PICALM: variants seen among roughly 807,000 people sequenced by gnomAD.
PICALM encodes the protein phosphatidylinositol-binding clathrin assembly protein.
Under a neutral mutation model 80.5 loss-of-function variants are expected in PICALM, and 40 were observed. The ratio of observed to expected loss-of-function variants is 0.50; its 90% CI spans 0.39 to 0.65. The LOEUF is 0.65. PICALM is among the 30% of genes least tolerant of loss of function. The pLI, the probability that PICALM is intolerant of heterozygous loss-of-function variation, is 0.00. For synonymous variants in PICALM, 288 were observed against 260.3 expected (o/e 1.11, Z -1.02); for missense variants, 676 against 778.9 (o/e 0.87, Z 1.57).
At chr11:86,012,119 G>A (rs2095408504) in intron 6 of PICALM, among the ~76,000 whole-genome samples, 162 bp downstream of exon 6, 1 of 152,132 alleles carries the variant, frequency 6.6e-6, no homozygotes, top group South Asian at 2.1e-4. Context: ...GTAATCACTT[G>A]CAGAAGTAAT....
At chr11:85,959,633 CAAAAAA>C (rs1161064257) in intron 19 of PICALM, among the ~76,000 whole-genome samples, 1 of 45,204 alleles carries the variant, frequency 2.2e-5, no homozygotes, top group African/African-American at 9.8e-5. Context: ...AACTCCATCT[CAAAAAA>C]AAAAAAAAAA....
chr11:85,980,836 A>C (rs2094420776), intron 17 of PICALM, among the ~76,000 whole-genome samples: 1 of 152,196 alleles, frequency 6.6e-6, no homozygotes, highest in Non-Finnish European at 1.5e-5. Flanking sequence ...CCTCATCTGT[A>C]AAATAGGGAT....
intron 1 of PICALM, among the ~76,000 whole-genome samples, chr11:86,045,477 A>C (rs2096056114): frequency 7.0e-6 from 1 of 142,926 alleles, no homozygotes; most frequent in East Asian, 2.0e-4. Flanking sequence ...ATAGCCACTG[A>C]ACTCCAGCCT....
At chr11:86,045,320 C>T (rs618001) in intron 1 of PICALM, among the ~76,000 whole-genome samples, 90,840 of 151,488 alleles carry the variant, frequency 0.6, 27,440 homozygotes, top group East Asian at 0.67. Flanking sequence ...TCCTCATACA[C>T]CTCATAACCA....
intron 13 of PICALM, among the ~76,000 whole-genome samples, chr11:85,988,506 C>T (rs1241049449): frequency 6.6e-6 from 1 of 151,208 alleles, no homozygotes; most frequent in Non-Finnish European, 1.5e-5. Context: ...GTAGAAGAAA[C>T]AAGGCACATA....
chr11:85,986,612 G>T (rs887050330), intron 13 of PICALM, among the ~76,000 whole-genome samples: 2 of 150,804 alleles, frequency 1.3e-5, no homozygotes, highest in African/African-American at 2.4e-5. Context: ...GGATGGTCTC[G>T]ATCTCCTGAC....
chr11:86,048,140 G>C (rs907483040), intron 1 of PICALM, among the ~76,000 whole-genome samples: 2 of 152,180 alleles, frequency 1.3e-5, no homozygotes, highest in African/African-American at 4.8e-5. Context: ...GCGAAGCAAT[G>C]GTTCTCTCCT....
chr11:86,041,608 T>C (rs2095970754), intron 1 of PICALM, among the ~76,000 whole-genome samples: 2 of 152,202 alleles, frequency 1.3e-5, no homozygotes, highest in Admixed American at 6.5e-5. Flanking sequence ...TATTAATATA[T>C]GTCTGAAATT....
At chr11:86,066,180 CA>C (rs2096445133) in intron 1 of PICALM, among the ~76,000 whole-genome samples, 1 of 152,110 alleles carries the variant, frequency 6.6e-6, no homozygotes, top group Non-Finnish European at 1.5e-5. Context: ...TTTCTCAAAG[CA>C]TGTTAGTGTG....
intron 1 of PICALM, among the ~76,000 whole-genome samples, chr11:86,066,068 A>G (rs181255169): frequency 6.6e-6 from 1 of 152,332 alleles, no homozygotes; most frequent in African/African-American, 2.4e-5. Context: ...ATAAAGAAAA[A>G]TTCCTAAAAG....
chr11:85,958,592 T>C lies in PICALM; in HGVS notation c.*454A>G, dbSNP rs1172989630. On this transcript the variant is annotated 3_prime_UTR_variant, in exon 20 of 20. Transcript: ENST00000393346. ...ATTTCAGTTATTGTTTCTGTATTTG[T>C]GAGGACTGGAGAAAAGAAAGATAAT... 4.5e-6 allele frequency: 1 copy of C among 224,342 alleles called. No individual in the cohort carries two copies. Among genetic ancestry groups the C allele is most frequent in the Non-Finnish European group, 8.9e-6 (1 of 112,660 alleles). 13.9% of individuals were successfully genotyped at this position (224,342 alleles called of 1,614,324 possible).
chr11:85,965,802 A>ATTTTTTTT (rs1202220050), intron 19 of PICALM, among the ~76,000 whole-genome samples: 1 of 105,758 alleles, frequency 9.5e-6, no homozygotes, highest in African/African-American at 3.6e-5. Flanking sequence ...TGCATTACCC[A>ATTTTTTTT]TTTTGTTTTT....
intron 1 of PICALM, among the ~76,000 whole-genome samples, chr11:86,035,367 C>A (rs538070898): frequency 5.2e-4 from 79 of 152,292 alleles, no homozygotes; most frequent in African/African-American, 1.8e-3. Flanking sequence ...CCTGTGCCAT[C>A]AGAATGCAGA....
At chr11:85,996,499 C>T (rs957801826) in intron 12 of PICALM, among the ~76,000 whole-genome samples, 3 of 151,760 alleles carry the variant, frequency 2.0e-5, no homozygotes, top group Non-Finnish European at 4.4e-5. Context: ...ACACCAAAAT[C>T]GAAATAACCA....
chr11:86,043,384 ATCTC>A (rs2137105550), intron 1 of PICALM, among the ~76,000 whole-genome samples: 2 of 152,280 alleles, frequency 1.3e-5, no homozygotes, highest in Admixed American at 6.5e-5. Flanking sequence ...CTCAAAGAAA[ATCTC>A]TATGCAAATC....
chr11:85,979,446 C>T lies in PICALM; in HGVS notation c.1779+1683G>A, dbSNP rs572967491. The stretch of plus-strand genomic sequence containing the variant: ...CAGAGGTTGCAGTGAGCTGAGGTCG[C>T]GCCACTGCAATGTAGCCTGGGCAAA... On this transcript the variant is annotated intron_variant, in intron 17 of 19. Coordinates refer to ENST00000393346, the MANE Select transcript of PICALM (RefSeq NM_007166.4). Among the ~76,000 whole-genome samples, 78 of 150,402 alleles carry T rather than the reference C, an allele frequency of 5.2e-4. No homozygotes were observed. The Middle Eastern group carries it at 0.014, about 26-fold the overall frequency.
chr11:86,062,641 A>C (rs2096386635), intron 1 of PICALM, among the ~76,000 whole-genome samples: 1 of 152,330 alleles, frequency 6.6e-6, no homozygotes, highest in East Asian at 1.9e-4. Flanking sequence ...TGATAATAAT[A>C]TAACTTGAGA....
intron 4 of PICALM, among the ~76,000 whole-genome samples, chr11:86,020,406 C>T (rs1173473939): frequency 1.8e-5 from 2 of 113,000 alleles, no homozygotes; most frequent in African/African-American, 3.5e-5. Flanking sequence ...GGGCCCAGAA[C>T]AGCTAAAACA....
intron 11 of PICALM, among the ~76,000 whole-genome samples, chr11:85,999,666 G>C (rs1424216950): frequency 6.6e-6 from 1 of 152,214 alleles, no homozygotes. Flanking sequence ...AGTTCACGTA[G>C]TAAAACTTAC....
Sources: gnomAD v4.1 joint callset for allele counts (sites outside exome capture counted in the v4.1 genomes callset) on GRCh38, gnomAD v4.1.1 for gene constraint, MANE v1.5 for transcripts, NCBI Gene and HGNC (gene_info 2026-07-23, HGNC 2026-07-21) for gene names.